Variants in PHC1 observed in about 807,000 individuals in gnomAD.
The protein encoded by PHC1 is polyhomeotic-like protein 1.
PHC1 carries 12 observed loss-of-function variants against 104.3 expected under a neutral mutation model. The ratio of observed to expected loss-of-function variants is 0.12; its 90% CI spans 0.07 to 0.19. PHC1 has a LOEUF of 0.19. Ranked by LOEUF, PHC1 falls within the 10% of genes least tolerant of loss-of-function variation. The pLI is 1.00. For synonymous variants in PHC1, 302 were observed against 455.8 expected (o/e 0.66, Z 4.30); for missense variants, 671 against 1,200.0 (o/e 0.56, Z 6.51).
intron 8 of PHC1, 69 bp from the exon 9 acceptor site, chr12:8,933,796 T>C: frequency 7.5e-7 from 1 of 1,335,468 alleles, no homozygotes; most frequent in Non-Finnish European, 1.1e-6. Flanking sequence ...GAACATATGG[T>C]AATAATTGTG....
chr12:8,925,400 A>C (rs1945487928), intron 6 of PHC1, among the ~76,000 whole-genome samples: 1 of 152,226 alleles, frequency 6.6e-6, no homozygotes, highest in Non-Finnish European at 1.5e-5. Context: ...TTGAAACACC[A>C]GACATTAAAC....
At chr12:8,928,443 CTG>C (rs1945591599) in intron 6 of PHC1, among the ~76,000 whole-genome samples, 1 of 152,132 alleles carries the variant, frequency 6.6e-6, no homozygotes, top group Non-Finnish European at 1.5e-5. Flanking sequence ...TTTATTTACT[CTG>C]TAATTTTTAA....
At position 8,921,076 on chromosome 12, in the gene PHC1, C is replaced by T. The variant is rs1351891465; in HGVS notation, c.306+11C>T. 2 of 1,596,508 alleles carry T rather than the reference C, an allele frequency of 1.3e-6. No individual in the cohort carries two copies. Among genetic ancestry groups the T allele is most frequent in the African/African-American group, 1.3e-5 (1 of 74,088 alleles). On this transcript the variant is annotated intron_variant, in intron 4 of 14. Coordinates refer to ENST00000544916, the MANE Select transcript of PHC1 (RefSeq NM_004426.3). Reference sequence around the variant, plus strand: ...ACCACCCAGGCCTCGGTGAGTACGCCCTCTCCCACTGAGAGGCTTCTCTAC... The same window carrying T: ...ACCACCCAGGCCTCGGTGAGTACGCTCTCTCCCACTGAGAGGCTTCTCTAC...
In PHC1 at chr12:8,921,065, G is replaced by A. The variant is rs767363673; in HGVS notation, c.306G>A (p.Ser102=). Residue 102 remains serine, a splice_region_variant and synonymous_variant, in exon 4 of 15, where the codon TCG becomes TCA. Transcript: ENST00000544916. ...AGCAGACTACCACCACCCAGGCCTC[G>A]GTGAGTACGCCCTCTCCCACTGAGA... The part of the protein sequence containing the change: ...TQQQTTTTQA[S]INLATTSAAQ... The A allele has an allele frequency of 1.4e-5, 22 of 1,610,428 alleles. No individual in the cohort carries two copies. The highest frequency in any genetic ancestry group is 3.4e-5 in the Admixed American group (2 of 59,360).
At chr12:8,938,683 G>T (rs1424278287) in intron 14 of PHC1, among the ~76,000 whole-genome samples, 2 of 152,084 alleles carry the variant, frequency 1.3e-5, no homozygotes, top group Non-Finnish European at 2.9e-5. Context: ...ATATCACAAA[G>T]AATCTTTTTG....
rs1945559175 is a variant in PHC1, at chr12:8,927,845, T to A, written c.613-2590T>A. ...AGGTTTTTATTATTTTAACCTGTAC[T>A]GTACTAGTTTTCTTTCTTTCTTTCT... On this transcript the variant is annotated intron_variant, in intron 6 of 14. Transcript: ENST00000544916. Among the ~76,000 whole-genome samples the A allele has an allele frequency of 2.0e-5, 3 of 150,866 alleles. No individual in the cohort carries two copies. The South Asian group carries it at 6.2e-4, about 31-fold the overall frequency.
rs192800493 is a variant in PHC1 at position 8,939,294 on chromosome 12, A to G, written c.2861-11A>G. The G allele has an allele frequency of 5.9e-5, 95 of 1,614,112 alleles. No individual in the cohort carries two copies. The African/African-American group carries it at 1.1e-3, about 19-fold the overall frequency. ...CTGGCATTACCTACATGTTCTCACCATTTCTTCTAGGCTGCCAAGAGATTG... is the reference window on the plus strand; with the variant it reads ...CTGGCATTACCTACATGTTCTCACCGTTTCTTCTAGGCTGCCAAGAGATTG... On this transcript the variant is annotated splice_polypyrimidine_tract_variant and intron_variant, in intron 14 of 14. Coordinates refer to ENST00000544916, the MANE Select transcript of PHC1 (RefSeq NM_004426.3).
chr12:8,925,401 G>T (rs771954582), intron 6 of PHC1, among the ~76,000 whole-genome samples: 1 of 152,290 alleles, frequency 6.6e-6, no homozygotes, highest in East Asian at 1.9e-4. Flanking sequence ...TGAAACACCA[G>T]ACATTAAACT....
At chr12:8,922,878 A>G in intron 6 of PHC1, 90 bp downstream of exon 6, 1 of 1,126,070 alleles carries the variant, frequency 8.9e-7, no homozygotes, top group Non-Finnish European at 1.2e-6. Context: ...GCCCCATTAC[A>G]CTTTTCAGAA....
At chr12:8,915,254 C>T (rs1409581016) in intron 1 of PHC1, 1 of 152,752 alleles carries the variant, frequency 6.5e-6, no homozygotes, top group African/African-American at 2.4e-5. Context: ...CCACTGGATC[C>T]ACCCCCTTCC....
intron 3 of PHC1, among the ~76,000 whole-genome samples, chr12:8,920,146 G>A (rs1945320164): frequency 6.6e-6 from 1 of 152,154 alleles, no homozygotes; most frequent in South Asian, 2.1e-4. Flanking sequence ...TTGAAATGTG[G>A]CTAGTCTAAA....
At chr12:8,939,278 C>A (rs777369473) in intron 14 of PHC1, 27 bp from the exon 15 acceptor site, 1 of 1,613,658 alleles carries the variant, frequency 6.2e-7, no homozygotes, top group Non-Finnish European at 8.5e-7. Flanking sequence ...TCTGGCATTA[C>A]CTACATGTTC....
chr12:8,919,441 T>A lies in PHC1; in HGVS notation c.115-315T>A, dbSNP rs1474854361. On this transcript the variant is annotated intron_variant, in intron 2 of 14. Transcript: ENST00000544916. The surrounding 1 kb of genome is among the most constrained non-coding windows in gnomAD (Gnocchi z 4.9). Reference sequence around the variant, plus strand: ...CCCCATCTCTAAAAATAAAAAAAATTAGCTGGACATGGTGGTGCATACCTA... The same window carrying A: ...CCCCATCTCTAAAAATAAAAAAAATAAGCTGGACATGGTGGTGCATACCTA... Among the ~76,000 whole-genome samples the A allele has an allele frequency of 6.6e-6, 1 of 152,136 alleles. No homozygotes were observed. The highest frequency in any genetic ancestry group is 1.5e-5 in the Non-Finnish European group (1 of 67,998).
intron 11 of PHC1, among the ~76,000 whole-genome samples, chr12:8,935,607 A>G (rs1482649069): frequency 6.6e-6 from 1 of 152,046 alleles, no homozygotes; most frequent in Non-Finnish European, 1.5e-5. Context: ...AGCCTGGGCG[A>G]CAGAGCGAGA....
Position 8,930,897 on chromosome 12 carries a change from C to T in PHC1, c.1075C>T (p.Pro359Ser), listed in dbSNP as rs781197942. 3.1e-6 allele frequency: 5 copies of T among 1,600,322 alleles called. No individual in the cohort carries two copies. Among genetic ancestry groups the T allele is most frequent in the Non-Finnish European group, 4.3e-6 (5 of 1,171,926 alleles). The change falls in exon 7 of 15, where the codon CCT (proline) becomes TCT (serine). Residue 359 changes from proline (P) to serine (S), a missense_variant. Around this residue, in one of 9 missense-constraint regions of PHC1, gnomAD observed 78 missense variants for 140.8 expected, o/e 0.55. Coordinates refer to ENST00000544916, the MANE Select transcript of PHC1 (RefSeq NM_004426.3). ...CATGAACCTGACACGGACAGCCACA[C>T]CTGCGCCCAGCCAGACACTTATTAG... ...VGMNLTRTATPAPSQTLISSA... is the reference protein window; with the variant it reads ...VGMNLTRTATSAPSQTLISSA...
At chr12:8,928,661 C>T (rs1945597985) in intron 6 of PHC1, among the ~76,000 whole-genome samples, 1 of 152,180 alleles carries the variant, frequency 6.6e-6, no homozygotes, top group East Asian at 1.9e-4. Context: ...GTGTACTTAC[C>T]ATCCAGCTTC....
At chr12:8,934,627 G>A in intron 10 of PHC1, 149 bp downstream of exon 10, 1 of 600,464 alleles carries the variant, frequency 1.7e-6, no homozygotes, top group Non-Finnish European at 2.8e-6. Flanking sequence ...AGAAGGAAAG[G>A]GAAAAGAGTG....
rs762661512 is a variant in PHC1 at position 8,932,556 on chromosome 12, C to T, written c.1106-7C>T. ...CTCTCTGTTGTATTCTGGGATTGTT[C>T]CTATAGCCACCTACACACAGATCCA... On this transcript the variant is annotated splice_region_variant and splice_polypyrimidine_tract_variant and intron_variant, in intron 7 of 14. Transcript: ENST00000544916. The T allele has an allele frequency of 6.2e-7, 1 of 1,612,386 alleles. No homozygotes were observed. Among genetic ancestry groups the T allele is most frequent in the South Asian group, 1.1e-5 (1 of 91,032 alleles).
Position 8,919,672 on chromosome 12 carries a change from C to T in PHC1, c.115-84C>T. The T allele has an allele frequency of 7.5e-7, 1 of 1,335,412 alleles. No homozygotes were observed. Among genetic ancestry groups the T allele is most frequent in the Non-Finnish European group, 1.0e-6 (1 of 961,292 alleles). The allele number at this position is 1,335,412 out of a possible 1,614,324, so 82.7% of individuals were successfully genotyped here. A position where few individuals can be genotyped will look rare whatever the true frequency, so the allele number is the denominator to read the frequency against. On this transcript the variant is annotated intron_variant, in intron 2 of 14. Transcript: ENST00000544916. The surrounding 1 kb of genome is among the most constrained non-coding windows in gnomAD (Gnocchi z 4.9). The stretch of plus-strand genomic sequence containing the variant: ...CTCTGGTTTCTGTCCTTCCCATGGC[C>T]CCCTTTCACACAAATACAGTGATTT...
Sources: gnomAD v4.1 joint callset for allele counts (sites outside exome capture counted in the v4.1 genomes callset) on GRCh38, gnomAD v4.1.1 for gene constraint, gnomAD v4.1.1 regional missense constraint, Gnocchi (gnomAD v3.1) non-coding constraint, MANE v1.5 for transcripts, NCBI Gene and HGNC (gene_info 2026-07-23, HGNC 2026-07-21) for gene names.